KLF8: variants seen among roughly 807,000 people sequenced by gnomAD.
KLF8 encodes Krueppel-like factor 8.
KLF8 carries 10 observed loss-of-function variants against 18.2 expected under a neutral mutation model. The observed-to-expected ratio is 0.55, with a 90% CI of 0.34 to 0.93. KLF8 has a LOEUF of 0.93. Among genes scored for constraint, KLF8 ranks in the 40% least tolerant of loss-of-function variants. The probability of loss-of-function intolerance (pLI) is 0.02; values close to 1 mark genes in which losing one functional copy is unlikely to be tolerated. For missense variants in KLF8, 264 were observed against 277.9 expected (o/e 0.95, Z 0.36); for synonymous variants, 109 against 97.3 (o/e 1.12, Z -0.71).
At chrX:55,929,416 G>T in the KLF8 span, among the ~76,000 whole-genome samples, 1 of 112,142 alleles carries the variant, frequency 8.9e-6, no homozygotes, top group East Asian at 2.8e-4. Context: ...CATTGCTTTT[G>T]GTGTTTTAGT....
At chrX:56,100,679 G>T in the KLF8 span, among the ~76,000 whole-genome samples, 1 of 111,708 alleles carries the variant, frequency 9.0e-6, no homozygotes, top group African/African-American at 3.3e-5. Flanking sequence ...AGAGGTTCAA[G>T]AATTCAGCCA....
At chrX:56,096,480 G>A in the KLF8 span, among the ~76,000 whole-genome samples, 1 of 111,389 alleles carries the variant, frequency 9.0e-6, no homozygotes, top group Non-Finnish European at 1.9e-5. Flanking sequence ...ATTTCTACAT[G>A]TTTAAAATAA....
the KLF8 span, among the ~76,000 whole-genome samples, chrX:56,157,650 G>C: frequency 1.8e-5 from 2 of 111,759 alleles, no homozygotes; most frequent in African/African-American, 3.3e-5. Flanking sequence ...GTGATGATGA[G>C]CATTTTTTCA....
the KLF8 span, among the ~76,000 whole-genome samples, chrX:56,025,190 T>C: frequency 5.3e-5 from 6 of 112,619 alleles, no homozygotes; most frequent in Non-Finnish European, 1.1e-4. Flanking sequence ...TTTCTAGTTT[T>C]TCCTGGAATC....
chrX:55,999,549 T>C, the KLF8 span, among the ~76,000 whole-genome samples: 2 of 109,457 alleles, frequency 1.8e-5, no homozygotes, highest in Admixed American at 9.8e-5. Flanking sequence ...CGAGATATTT[T>C]ACCTTCTTTG....
the KLF8 span, among the ~76,000 whole-genome samples, chrX:56,089,196 A>C: frequency 1.8e-5 from 2 of 111,510 alleles, no homozygotes; most frequent in Non-Finnish European, 3.8e-5. Context: ...CTTTATTAAA[A>C]ATTCTTGCTC....
the KLF8 span, among the ~76,000 whole-genome samples, chrX:56,094,490 A>G: frequency 9.0e-6 from 1 of 111,607 alleles, no homozygotes; most frequent in African/African-American, 3.2e-5. Context: ...TGCAAGAAAA[A>G]TAAATAAAGT....
chrX:56,261,443 A>T (rs1219345492), intron 2 of KLF8, among the ~76,000 whole-genome samples: 1 of 111,902 alleles, frequency 8.9e-6, no homozygotes, highest in Non-Finnish European at 1.9e-5. Context: ...ACCACACTAA[A>T]AATGAAGAAA....
intron 2 of KLF8, among the ~76,000 whole-genome samples, chrX:56,257,096 G>T (rs1171716090): frequency 1.8e-5 from 2 of 111,470 alleles, no homozygotes; most frequent in African/African-American, 6.5e-5. Context: ...CTGGTGTATG[G>T]TGTTTGTATA....
chrX:56,171,377 G>C, the KLF8 span, among the ~76,000 whole-genome samples: 1 of 111,875 alleles, frequency 8.9e-6, no homozygotes, highest in African/African-American at 3.2e-5. Flanking sequence ...TTATAGTATA[G>C]TATTCTTTTA....
chrX:56,018,824 A>T, the KLF8 span, among the ~76,000 whole-genome samples: 1 of 110,820 alleles, frequency 9.0e-6, no homozygotes, highest in South Asian at 3.8e-4. Context: ...TGAGAGAGTA[A>T]GAGATTGACA....
chrX:55,942,952 A>T, the KLF8 span, among the ~76,000 whole-genome samples: 2 of 111,655 alleles, frequency 1.8e-5, no homozygotes, highest in Non-Finnish European at 3.8e-5. Context: ...GATGCCTGTG[A>T]CCTGTCCGGA....
chrX:56,169,779 G>A, the KLF8 span, among the ~76,000 whole-genome samples: 1 of 112,085 alleles, frequency 8.9e-6, no homozygotes, highest in Admixed American at 9.5e-5. Context: ...ACCATGAAAG[G>A]AAGGACACAA....
At chrX:55,934,705 A>G in the KLF8 span, among the ~76,000 whole-genome samples, 4 of 112,452 alleles carry the variant, frequency 3.6e-5, no homozygotes, top group African/African-American at 1.3e-4. Context: ...TCTCTCAGAA[A>G]TCACAATGTT....
At chrX:56,087,771 A>C in the KLF8 span, among the ~76,000 whole-genome samples, 1 of 111,942 alleles carries the variant, frequency 8.9e-6, no homozygotes, top group African/African-American at 3.2e-5. Context: ...TTGAAATGAA[A>C]AATAGCATTA....
the KLF8 span, among the ~76,000 whole-genome samples, chrX:56,093,325 A>G: frequency 9.0e-6 from 1 of 111,703 alleles, no homozygotes; most frequent in African/African-American, 3.2e-5. Context: ...TTACCTACTT[A>G]CCTATAGAGA....
chrX:56,128,977 G>T, the KLF8 span, among the ~76,000 whole-genome samples: 25 of 100,372 alleles, frequency 2.5e-4, no homozygotes, highest in African/African-American at 6.3e-4. Context: ...GAGAGAGAGA[G>T]AAAAATTACT....
the KLF8 span, among the ~76,000 whole-genome samples, chrX:56,039,715 C>A: frequency 1.8e-5 from 2 of 111,443 alleles, no homozygotes; most frequent in Non-Finnish European, 3.8e-5. Flanking sequence ...TATTTGGGCT[C>A]TTTTTTGGTT....
chrX:55,987,571 GT>G, the KLF8 span, among the ~76,000 whole-genome samples: 1 of 112,066 alleles, frequency 8.9e-6, no homozygotes, highest in Admixed American at 9.4e-5. Context: ...TGGTGTATAT[GT>G]GCCACATTTT....
Sources: gnomAD v4.1 joint callset for allele counts (sites outside exome capture counted in the v4.1 genomes callset) on GRCh38, gnomAD v4.1.1 for gene constraint, MANE v1.5 for transcripts, NCBI Gene and HGNC (gene_info 2026-07-23, HGNC 2026-07-21) for gene names.